The following MYRFL variants were observed in gnomAD, a reference collection of about 807,000 sequenced individuals.
MYRFL encodes myelin regulatory factor like.
MYRFL carries 88 observed loss-of-function variants against 109.4 expected under a neutral mutation model. That is an observed-to-expected ratio of 0.80 (90% CI 0.68 to 0.96). The LOEUF (loss-of-function observed/expected upper bound fraction) is 0.96. MYRFL is among the 40% of genes least tolerant of loss of function. The probability of loss-of-function intolerance (pLI) is 0.00; values close to 1 mark genes in which losing one functional copy is unlikely to be tolerated. For missense variants in MYRFL, 957 were observed against 954.9 expected, an observed-to-expected ratio of 1.00 and a Z score of -0.03; for synonymous variants, 324 against 320.9, an observed-to-expected ratio of 1.01 and a Z score of -0.10.
At chr12:69,844,694 G>A (rs1412457542) in intron 1 of MYRFL, among the ~76,000 whole-genome samples, 2 of 152,144 alleles carry the variant, frequency 1.3e-5, no homozygotes, top group African/African-American at 4.8e-5. Flanking sequence ...TAATCACTTG[G>A]CCTTATCTGT....
chr12:69,950,109 C>T (rs1273262929), intron 19 of MYRFL, among the ~76,000 whole-genome samples: 2 of 132,226 alleles, frequency 1.5e-5, no homozygotes, highest in African/African-American at 5.7e-5. Flanking sequence ...AAAGCATGCT[C>T]AATTTTTTTT....
At chr12:69,901,955 A>T (rs1158771171) in intron 10 of MYRFL, among the ~76,000 whole-genome samples, 1 of 145,244 alleles carries the variant, frequency 6.9e-6, no homozygotes, top group Non-Finnish European at 1.5e-5. Flanking sequence ...GTGCAGTGGC[A>T]TGATCTCAGC....
intron 2 of MYRFL, among the ~76,000 whole-genome samples, chr12:69,873,044 C>T (rs1452204487): frequency 6.6e-6 from 1 of 152,180 alleles, no homozygotes. Flanking sequence ...TACTGGATGC[C>T]TGAAACTGAG....
At chr12:69,904,956 A>T (rs1270476895) in intron 11 of MYRFL, among the ~76,000 whole-genome samples, 1 of 152,208 alleles carries the variant, frequency 6.6e-6, no homozygotes, top group Non-Finnish European at 1.5e-5. Context: ...TCCTTTGCTT[A>T]GAGGATTCCA....
chr12:69,844,504 C>T lies in MYRFL; in HGVS notation c.47-10776C>T, dbSNP rs375448547. Among the ~76,000 whole-genome samples the T allele has an allele frequency of 2.9e-3, 444 of 152,300 alleles. 2 individuals carry two copies. Among genetic ancestry groups the T allele is most frequent in the African/African-American group, 9.5e-3 (395 of 41,558 alleles). On this transcript the variant is annotated intron_variant, in intron 1 of 24. Coordinates refer to ENST00000552032, the MANE Select transcript of MYRFL (RefSeq NM_182530.3). ...CCCTCCATCTGCTTCTGTTAGCAGTCGGCTTGCCCTAAGCCCAGTGAAGCA... is the reference window on the plus strand; with the variant it reads ...CCCTCCATCTGCTTCTGTTAGCAGTTGGCTTGCCCTAAGCCCAGTGAAGCA...
intron 7 of MYRFL, 140 bp downstream of exon 7, chr12:69,891,306 A>G: frequency 1.6e-6 from 1 of 615,472 alleles, no homozygotes; most frequent in Non-Finnish European, 2.5e-6. Context: ...CAACTGGGTC[A>G]GCGTGTGACT....
At chr12:69,893,989 A>ATTTTT (rs60637559) in intron 8 of MYRFL, 149 bp downstream of exon 8, 172 of 113,110 alleles carry the variant, frequency 1.5e-3, no homozygotes, top group South Asian at 2.6e-3. Flanking sequence ...AATAATGTTA[A>ATTTTT]TTTTTTTTTT....
chr12:69,936,987 T>C (rs1415370486), intron 19 of MYRFL, among the ~76,000 whole-genome samples: 2 of 152,192 alleles, frequency 1.3e-5, no homozygotes. Context: ...GTATCTGGGC[T>C]CTCTGCCTAA....
At chr12:69,857,489 C>T (rs1057297564) in intron 2 of MYRFL, among the ~76,000 whole-genome samples, 2 of 151,816 alleles carry the variant, frequency 1.3e-5, no homozygotes, top group Non-Finnish European at 3.0e-5. Context: ...GGAGACTTAA[C>T]ATTCTAACAA....
At chr12:69,935,355 A>T (rs1481962931) in intron 16 of MYRFL, among the ~76,000 whole-genome samples, 2 of 151,866 alleles carry the variant, frequency 1.3e-5, no homozygotes, top group African/African-American at 4.9e-5. Context: ...AGCCATCAGC[A>T]GACTTTCTGT....
intron 1 of MYRFL, among the ~76,000 whole-genome samples, chr12:69,847,587 G>A (rs2136319223): frequency 6.6e-6 from 1 of 151,978 alleles, no homozygotes; most frequent in Non-Finnish European, 1.5e-5. Context: ...TTGTTATCCA[G>A]ACACATATAC....
chr12:69,881,136 T>TTTGC (rs1565993300), intron 5 of MYRFL, among the ~76,000 whole-genome samples: 2 of 146,770 alleles, frequency 1.4e-5, no homozygotes, highest in Non-Finnish European at 3.0e-5. Flanking sequence ...TGTTTGTTTG[T>TTTGC]TTGCTTATTT....
intron 1 of MYRFL, among the ~76,000 whole-genome samples, chr12:69,835,973 G>T (rs1429701571): frequency 6.6e-6 from 1 of 152,188 alleles, no homozygotes; most frequent in Non-Finnish European, 1.5e-5. Context: ...CTACCTTGTC[G>T]CAAGGACAAG....
At chr12:69,927,597 A>AT in intron 14 of MYRFL, 88 bp from the exon 15 acceptor site, 1 of 932,418 alleles carries the variant, frequency 1.1e-6, no homozygotes. Context: ...AGAAAGTCAT[A>AT]TTGCTATGTT....
At chr12:69,891,609 T>TTCTTTCTTTCTTTC (rs1566002050) in intron 7 of MYRFL, among the ~76,000 whole-genome samples, 14 of 105,724 alleles carry the variant, frequency 1.3e-4, no homozygotes, top group African/African-American at 6.1e-4. Flanking sequence ...TTCTTTCTCT[T>TTCTTTCTTTCTTTC]TCTTTCTTTC....
At chr12:69,912,790 C>G (rs767477218) in intron 13 of MYRFL, among the ~76,000 whole-genome samples, 1 of 152,062 alleles carries the variant, frequency 6.6e-6, no homozygotes, top group Non-Finnish European at 1.5e-5. Context: ...CTTCAATATT[C>G]TGTTTTCAAT....
intron 1 of MYRFL, among the ~76,000 whole-genome samples, chr12:69,828,866 T>C (rs1882447179): frequency 1.3e-5 from 2 of 152,278 alleles, no homozygotes; most frequent in South Asian, 4.1e-4. Context: ...AATAGTTTAT[T>C]AAAAATGATT....
chr12:69,828,797 C>T (rs565830938), intron 1 of MYRFL, among the ~76,000 whole-genome samples: 1 of 152,114 alleles, frequency 6.6e-6, no homozygotes, highest in Non-Finnish European at 1.5e-5. Flanking sequence ...TAATCTTAGA[C>T]TCTTAATTTG....
chr12:69,921,964 ATAAAT>A (rs1954927752), intron 13 of MYRFL, among the ~76,000 whole-genome samples: 1 of 152,236 alleles, frequency 6.6e-6, no homozygotes, highest in Non-Finnish European at 1.5e-5. Flanking sequence ...GAGCTAAATC[ATAAAT>A]TAATGTATTA....
Sources: gnomAD v4.1 joint callset for allele counts (sites outside exome capture counted in the v4.1 genomes callset) on GRCh38, gnomAD v4.1.1 for gene constraint, MANE v1.5 for transcripts, NCBI Gene and HGNC (gene_info 2026-07-23, HGNC 2026-07-21) for gene names.